PACS2: variants seen among roughly 807,000 people sequenced by gnomAD.
The protein encoded by PACS2 is PACS1-like protein.
Under a neutral mutation model 113.0 loss-of-function variants are expected in PACS2, and 36 were observed. The observed-to-expected ratio is 0.32, with a 90% CI of 0.24 to 0.42. The LOEUF is 0.42. Ranked by LOEUF, PACS2 falls within the 10% of genes least tolerant of loss-of-function variation. The probability of loss-of-function intolerance (pLI) is 1.00; values close to 1 mark genes in which losing one functional copy is unlikely to be tolerated. For synonymous variants in PACS2, 589 were observed against 536.1 expected (o/e 1.10, Z -1.36); for missense variants, 1,015 against 1,239.5 (o/e 0.82, Z 2.72).
chr14:105,359,248 T>A (rs904819352), intron 4 of PACS2, among the ~76,000 whole-genome samples: 35 of 151,672 alleles, frequency 2.3e-4, no homozygotes, highest in African/African-American at 8.5e-4. Flanking sequence ...CCATCGTCAG[T>A]GCCCTATTCA....
At chr14:105,308,145 A>G (rs2058244217) in intron 1 of PACS2, among the ~76,000 whole-genome samples, 1 of 151,512 alleles carries the variant, frequency 6.6e-6, no homozygotes, top group South Asian at 2.1e-4. Context: ...ATCACACCAC[A>G]GCACTCCAGC....
intron 3 of PACS2, among the ~76,000 whole-genome samples, chr14:105,353,466 A>AG (rs1364665359): frequency 8.0e-5 from 12 of 150,814 alleles, no homozygotes; most frequent in African/African-American, 2.2e-4. Flanking sequence ...CCCTGGGGTG[A>AG]GAGCATTTGT....
rs1555406500 is a variant in PACS2 at position 105,361,714 on chromosome 14, C to T, written c.424-5499C>T. 5.9e-5 allele frequency among the ~76,000 whole-genome samples: 9 copies of T among 152,220 alleles called. No individual in the cohort carries two copies. In the South Asian group the frequency reaches 1.5e-3, roughly 25 times the overall value. On this transcript the variant is annotated intron_variant, in intron 4 of 24. Coordinates refer to ENST00000447393, the MANE Select transcript of PACS2 (RefSeq NM_001100913.3). ...CCGGTAATCCCAGCACTTTGGGAGG[C>T]CAAGGCGGGCAGGTCACCTGAGGTC...
chr14:105,340,446 C>T lies in PACS2; in HGVS notation c.120-8047C>T, dbSNP rs2059681860. Among the ~76,000 whole-genome samples, 1 of 152,190 alleles carries T rather than the reference C, an allele frequency of 6.6e-6. No individual in the cohort carries two copies. Among genetic ancestry groups the T allele is most frequent in the South Asian group, 2.1e-4 (1 of 4,834 alleles). ...ACCGGTTTTGTGGAAGACAGTTTTT[C>T]CACAGACGGTGATGGGAATGGTTTC... is the stretch of plus-strand genomic sequence containing the variant. On this transcript the variant is annotated intron_variant, in intron 1 of 24. Transcript: ENST00000447393. This position sits in a 1 kb window ranked among gnomAD's most constrained non-coding sequence, Gnocchi z 4.2.
intron 4 of PACS2, among the ~76,000 whole-genome samples, chr14:105,364,408 G>A (rs1183564037): frequency 0.038 from 4,844 of 126,820 alleles, 581 homozygotes; most frequent in African/African-American, 0.17. Flanking sequence ...TCCCGGGTGC[G>A]CGGTGGGCGG....
intron 8 of PACS2, chr14:105,372,864 T>C (rs2061206573): frequency 6.6e-6 from 1 of 151,988 alleles, no homozygotes; most frequent in East Asian, 1.9e-4. Flanking sequence ...ATGGGGCCAC[T>C]GCACTCCAGC....
At chr14:105,374,399 C>T (rs1448120074) in intron 8 of PACS2, among the ~76,000 whole-genome samples, 5 of 152,178 alleles carry the variant, frequency 3.3e-5, no homozygotes, top group African/African-American at 1.2e-4. Flanking sequence ...ATGTTTTTTG[C>T]AAATCATATA....
At chr14:105,349,270 C>T (rs1007374796) in intron 2 of PACS2, among the ~76,000 whole-genome samples, 9 of 152,242 alleles carry the variant, frequency 5.9e-5, no homozygotes, top group African/African-American at 2.2e-4. Flanking sequence ...ATAGGGCCAC[C>T]GCCAGCGGGC....
intron 1 of PACS2, among the ~76,000 whole-genome samples, chr14:105,308,050 G>C (rs966651094): frequency 2.6e-5 from 4 of 152,024 alleles, no homozygotes; most frequent in African/African-American, 9.7e-5. Context: ...TGTGCGTGGT[G>C]GTGCGTGCCT....
chr14:105,304,068 C>T (rs779139862), intron 1 of PACS2, among the ~76,000 whole-genome samples: 1 of 152,202 alleles, frequency 6.6e-6, no homozygotes, highest in Non-Finnish European at 1.5e-5. Context: ...GTGCAAGGGG[C>T]AGCATGCCTC....
intron 18 of PACS2, 55 bp from the exon 19 acceptor site, chr14:105,385,630 G>A: frequency 7.6e-7 from 1 of 1,314,714 alleles, no homozygotes; most frequent in Non-Finnish European, 1.0e-6. Context: ...TCCCTGGAGG[G>A]GTCCTGAGGG....
chr14:105,317,975 G>A lies in PACS2; in HGVS notation c.119+2938G>A, dbSNP rs367567521. On this transcript the variant is annotated intron_variant, in intron 1 of 24. Transcript: ENST00000447393. This position sits in a 1 kb window ranked among gnomAD's most constrained non-coding sequence, Gnocchi z 4.2. ...CTCCTAGGTGGTCCACGGGGTATGC[G>A]TCAGTGCCTGTCTGTGGCCTCTGCC... Among the ~76,000 whole-genome samples the A allele has an allele frequency of 3.9e-5, 6 of 152,286 alleles. No homozygotes were observed. Among genetic ancestry groups the A allele is most frequent in the African/African-American group, 9.6e-5 (4 of 41,548 alleles).
chr14:105,350,991 G>T (rs1417754757), intron 2 of PACS2, among the ~76,000 whole-genome samples: 2 of 152,208 alleles, frequency 1.3e-5, no homozygotes, highest in Admixed American at 6.5e-5. Context: ...CATGGAGCCC[G>T]AGTACGGCCA....
rs184195880 is a variant in PACS2 at position 105,331,207 on chromosome 14, G to A, written c.119+16170G>A. On this transcript the variant is annotated intron_variant, in intron 1 of 24. Coordinates refer to ENST00000447393, the MANE Select transcript of PACS2 (RefSeq NM_001100913.3). Reference sequence around the variant, plus strand: ...TGACCTCAGGTGATCTGCCTGCCTCGGCCTCCCAAAGTGCTGGGATTACAG... The same window carrying A: ...TGACCTCAGGTGATCTGCCTGCCTCAGCCTCCCAAAGTGCTGGGATTACAG... 3.3e-3 allele frequency among the ~76,000 whole-genome samples: 504 copies of A among 152,184 alleles called. 2 individuals carry two copies. Among genetic ancestry groups the A allele is most frequent in the Non-Finnish European group, 4.7e-3 (320 of 67,984 alleles).
chr14:105,361,167 C>T (rs1206347825), intron 4 of PACS2, among the ~76,000 whole-genome samples: 1 of 152,184 alleles, frequency 6.6e-6, no homozygotes, highest in African/African-American at 2.4e-5. Flanking sequence ...AACTTTTTCC[C>T]ATGAATCACA....
At chr14:105,350,495 G>A (rs1307031865) in intron 2 of PACS2, among the ~76,000 whole-genome samples, 1 of 152,086 alleles carries the variant, frequency 6.6e-6, no homozygotes, top group Non-Finnish European at 1.5e-5. Context: ...GCCCCTCTGT[G>A]TAGCGCATGG....
chr14:105,323,643 G>T lies in PACS2; in HGVS notation c.119+8606G>T, dbSNP rs1004124040. 2.0e-5 allele frequency among the ~76,000 whole-genome samples: 3 copies of T among 152,252 alleles called. No individual in the cohort carries two copies. The highest frequency in any genetic ancestry group is 7.2e-5 in the African/African-American group (3 of 41,466). ...GGAGAGCAGTGCTGCTGGAGTGGTG[G>T]ACCACACTGGAGGTGGAGATTGCCT... On this transcript the variant is annotated intron_variant, in intron 1 of 24. Coordinates refer to ENST00000447393, the MANE Select transcript of PACS2 (RefSeq NM_001100913.3). The surrounding 1 kb of genome is among the most constrained non-coding windows in gnomAD (Gnocchi z 4.1).
Position 105,348,789 on chromosome 14 carries a change from G to A in PACS2, c.207+209G>A. On this transcript the variant is annotated intron_variant, in intron 2 of 24. Transcript: ENST00000447393. This position sits in a 1 kb window ranked among gnomAD's most constrained non-coding sequence, Gnocchi z 6.4. Reference sequence around the variant, plus strand: ...ACAAGGGAGGCAGGCCCGGCCTTCTGGGATGTGGAGGTCACATGCATGGGG... The same window carrying A: ...ACAAGGGAGGCAGGCCCGGCCTTCTAGGATGTGGAGGTCACATGCATGGGG... 1.8e-6 allele frequency: 1 copy of A among 541,640 alleles called. No homozygotes were observed. Among genetic ancestry groups the A allele is most frequent in the South Asian group, 2.1e-5 (1 of 48,710 alleles). The allele number at this position is 541,640 out of a possible 1,614,324, so 33.6% of individuals were successfully genotyped here.
At chr14:105,351,031 C>A (rs2060155189) in intron 2 of PACS2, among the ~76,000 whole-genome samples, 1 of 152,204 alleles carries the variant, frequency 6.6e-6, no homozygotes, top group African/African-American at 2.4e-5. Flanking sequence ...TCCTGAGGCC[C>A]CGCTGCTCCC....
Sources: gnomAD v4.1 joint callset for allele counts (sites outside exome capture counted in the v4.1 genomes callset) on GRCh38, gnomAD v4.1.1 for gene constraint, Gnocchi (gnomAD v3.1) non-coding constraint, MANE v1.5 for transcripts, NCBI Gene and HGNC (gene_info 2026-07-23, HGNC 2026-07-21) for gene names.